ADGRV1: variants seen among roughly 807,000 people sequenced by gnomAD.
The protein encoded by ADGRV1 is G-protein coupled receptor 98.
A neutral mutation model predicts 596.2 loss-of-function variants in ADGRV1; 359 were observed. The ratio of observed to expected loss-of-function variants is 0.60; its 90% CI spans 0.55 to 0.66. ADGRV1 has a LOEUF of 0.66. Among genes scored for constraint, ADGRV1 ranks in the 30% least tolerant of loss-of-function variants. ADGRV1 has a pLI of 0.00. For missense variants in ADGRV1, 7,274 were observed against 7,575.6 expected, an observed-to-expected ratio of 0.96 and a Z score of 1.48; for synonymous variants, 2,681 against 2,679.2, an observed-to-expected ratio of 1.00 and a Z score of -0.02.
intron 33 of ADGRV1, among the ~76,000 whole-genome samples, chr5:90,696,134 C>T (rs569925754): frequency 6.6e-6 from 1 of 152,158 alleles, no homozygotes; most frequent in East Asian, 1.9e-4. Flanking sequence ...TCTCCTTTTC[C>T]CTGCCTTTTC....
In ADGRV1 at chr5:91,153,342, T is replaced by C; in HGVS notation, c.18746T>C (p.Leu6249Pro). ...TCTGGAGGATATGGCCAGGGGTCACTGATAGCCGATGAGGAGTCCCAGGAG... is the reference window on the plus strand; with the variant it reads ...TCTGGAGGATATGGCCAGGGGTCACCGATAGCCGATGAGGAGTCCCAGGAG... The part of the protein sequence containing the change: ...PSSGGYGQGS[L>P]IADEESQEFD... The change falls in exon 89 of 90, where the codon CTG (leucine) becomes CCG (proline). Residue 6249 changes from leucine to proline, a missense_variant. By Grantham distance (98) the Leu-to-Pro change is moderately conservative. This residue lies in a region of ADGRV1 where 1,874 missense variants were observed against 1,970.2 expected (regional missense o/e 0.95). Transcript: ENST00000405460. The C allele has an allele frequency of 6.2e-7, 1 of 1,612,498 alleles. No homozygotes were observed. Among genetic ancestry groups the C allele is most frequent in the Non-Finnish European group, 8.5e-7 (1 of 1,179,260 alleles).
chr5:90,628,213 C>T (rs1405560172), intron 7 of ADGRV1, among the ~76,000 whole-genome samples: 1 of 51,318 alleles, frequency 1.9e-5, no homozygotes, highest in East Asian at 3.9e-4. Flanking sequence ...AAGTGAGACC[C>T]CGCCCACAAA....
rs371179945 is a variant in ADGRV1, at chr5:90,672,579, G to T, written c.4786G>T (p.Val1596Phe). 6.2e-7 allele frequency: 1 copy of T among 1,613,818 alleles called. No individual in the cohort carries two copies. Among genetic ancestry groups the T allele is most frequent in the Admixed American group, 1.7e-5 (1 of 60,000 alleles). The change falls in exon 22 of 90, where the codon GTT becomes TTT. Residue 1596 changes from valine to phenylalanine, a missense_variant. By Grantham distance (50) the Val-to-Phe change is conservative. Transcript: ENST00000405460. Reference sequence around the variant, plus strand: ...GGAGGGATCAACCATTTCTTGTGTGGTTGAGAGAACCAGAGGAGCTCTGGA... The same window carrying T: ...GGAGGGATCAACCATTTCTTGTGTGTTTGAGAGAACCAGAGGAGCTCTGGA... ...AEEGSTISCV[V>F]ERTRGALDYV...
intron 83 of ADGRV1, among the ~76,000 whole-genome samples, chr5:90,866,333 GTGTGTGTGTGTA>G (rs1768101532): frequency 4.6e-5 from 7 of 151,686 alleles, no homozygotes; most frequent in Admixed American, 6.6e-5. Flanking sequence ...GTGTGTGTGT[GTGTGTGTGTGTA>G]TTTTCTTGAT....
intron 87 of ADGRV1, among the ~76,000 whole-genome samples, chr5:91,137,972 T>C (rs1010495467): frequency 7.9e-5 from 12 of 152,354 alleles, no homozygotes; most frequent in Admixed American, 3.3e-4. Flanking sequence ...ATAGGATGGC[T>C]TCTACAATGC....
chr5:90,855,813 C>T lies in ADGRV1; in HGVS notation c.17667C>T (p.His5889=). 6.2e-7 allele frequency: 1 copy of T among 1,610,044 alleles called. No individual in the cohort carries two copies. Among genetic ancestry groups the T allele is most frequent in the South Asian group, 1.1e-5 (1 of 90,674 alleles). The change falls in exon 82 of 90, where the codon CAC becomes CAT. Residue 5889 remains histidine (H), a synonymous_variant. Coordinates refer to ENST00000405460, the MANE Select transcript of ADGRV1 (RefSeq NM_032119.4). ...TADYVECACS[H]MSVYAVYART... Reference sequence around the variant, plus strand: ...ACTATGTGGAATGTGCCTGTTCACACATGTCTGTGTATGCTGTCTATGCTC... The same window carrying T: ...ACTATGTGGAATGTGCCTGTTCACATATGTCTGTGTATGCTGTCTATGCTC...
At chr5:90,601,384 C>T (rs1472259460) in intron 1 of ADGRV1, among the ~76,000 whole-genome samples, 1 of 152,070 alleles carries the variant, frequency 6.6e-6, no homozygotes, top group African/African-American at 2.4e-5. Context: ...CTCCACTTAC[C>T]AAACCTGAGA....
intron 2 of ADGRV1, among the ~76,000 whole-genome samples, 159 bp downstream of exon 2, chr5:90,615,178 A>G (rs930742795): frequency 2.0e-5 from 3 of 151,760 alleles, no homozygotes; most frequent in Admixed American, 1.3e-4. Flanking sequence ...TATCTCTTAC[A>G]GGTTTATAGA....
At chr5:90,675,515 A>AT in intron 24 of ADGRV1, 70 bp downstream of exon 24, 1 of 1,351,464 alleles carries the variant, frequency 7.4e-7, no homozygotes, top group Non-Finnish European at 1.0e-6. Flanking sequence ...TCTGGAAGGG[A>AT]TATACACTGT....
chr5:90,856,000 C>A, intron 82 of ADGRV1, 99 bp downstream of exon 82: 2 of 938,192 alleles, frequency 2.1e-6, no homozygotes, highest in Non-Finnish European at 3.3e-6. Context: ...GCAAACATAC[C>A]GTAATTCATC....
chr5:90,808,297 G>T (rs1762099960), intron 73 of ADGRV1, among the ~76,000 whole-genome samples: 1 of 152,254 alleles, frequency 6.6e-6, no homozygotes, highest in African/African-American at 2.4e-5. Flanking sequence ...GCAGAGGGCA[G>T]ACCTGCTATT....
chr5:91,115,828 T>A (rs1173056190), intron 87 of ADGRV1, among the ~76,000 whole-genome samples: 1 of 152,120 alleles, frequency 6.6e-6, no homozygotes, highest in Non-Finnish European at 1.5e-5. Context: ...GCACCTGTAA[T>A]CCCAGCTACT....
intron 85 of ADGRV1, among the ~76,000 whole-genome samples, chr5:91,035,861 T>TATATAATATATATATATATATATA: frequency 8.3e-4 from 80 of 96,388 alleles, no homozygotes; most frequent in Admixed American, 1.3e-3. Flanking sequence ...TATATATATA[T>TATATAATATATATATATATATATA]TATATATATA....
intron 85 of ADGRV1, among the ~76,000 whole-genome samples, chr5:91,046,409 G>T (rs1376577477): frequency 1.3e-5 from 2 of 152,148 alleles, no homozygotes. Flanking sequence ...AACATAAAGT[G>T]AGGAAAGATA....
chr5:90,939,200 T>A (rs1230991330), intron 83 of ADGRV1, among the ~76,000 whole-genome samples: 1 of 152,134 alleles, frequency 6.6e-6, no homozygotes, highest in Non-Finnish European at 1.5e-5. Flanking sequence ...AAGTTACATT[T>A]TAAAACATAA....
At position 90,712,275 on chromosome 5, in the gene ADGRV1, CT is replaced by C; in HGVS notation, c.9043-7del. On this transcript the variant is annotated splice_polypyrimidine_tract_variant and intron_variant, in intron 41 of 89. Coordinates refer to ENST00000405460, the MANE Select transcript of ADGRV1 (RefSeq NM_032119.4). ...TAAATATAATACATTCTGCTTTTAC[CT>C]TTTTGACCAGATTCTTCATTTTGCT... 6 of 1,495,622 alleles carry C rather than the reference CT, an allele frequency of 4.0e-6. No homozygotes were observed. Among genetic ancestry groups the C allele is most frequent in the Non-Finnish European group, 5.4e-6 (6 of 1,108,808 alleles). 92.6% of individuals were successfully genotyped at this position (1,495,622 alleles called of 1,614,324 possible).
At chr5:90,763,004 G>A (rs1299461367) in intron 58 of ADGRV1, 1 of 214,056 alleles carries the variant, frequency 4.7e-6, no homozygotes, top group African/African-American at 2.3e-5. Context: ...GTGGGGTCTT[G>A]TGTGGGTGTT....
At chr5:91,119,671 T>A (rs959708630) in intron 87 of ADGRV1, among the ~76,000 whole-genome samples, 8 of 152,210 alleles carry the variant, frequency 5.3e-5, no homozygotes, top group African/African-American at 1.9e-4. Context: ...ACCTCATATT[T>A]ATCAACTTTG....
intron 52 of ADGRV1, among the ~76,000 whole-genome samples, chr5:90,747,543 C>T (rs1277411136): frequency 1.3e-5 from 2 of 152,096 alleles, no homozygotes; most frequent in African/African-American, 4.8e-5. Flanking sequence ...TCCATTGACA[C>T]AGGACACACT....
Sources: allele counts gnomAD v4.1 joint callset (sites outside exome capture counted in the v4.1 genomes callset), GRCh38; gene constraint gnomAD v4.1.1; regional missense constraint gnomAD v4.1.1; transcripts MANE v1.5; gene names NCBI Gene and HGNC (gene_info 2026-07-23, HGNC 2026-07-21).